The following ROBO1 variants were observed in gnomAD, a reference collection of about 807,000 sequenced individuals.
ROBO1 encodes the protein roundabout homolog 1.
Under a neutral mutation model 195.9 loss-of-function variants are expected in ROBO1, and 149 were observed. The observed-to-expected ratio is 0.76, with a 90% CI of 0.67 to 0.87. The LOEUF (loss-of-function observed/expected upper bound fraction) is 0.87, where lower values mean the gene tolerates loss of function less well. Ranked by LOEUF, ROBO1 falls within the 40% of genes least tolerant of loss-of-function variation. ROBO1 has a pLI of 0.00. For synonymous variants in ROBO1, 816 were observed against 733.2 expected, an observed-to-expected ratio of 1.11 and a Z score of -1.82; for missense variants, 1,933 against 2,068.3, an observed-to-expected ratio of 0.93 and a Z score of 1.27.
At chr3:78,772,540 A>C (rs2083401921) in intron 4 of ROBO1, among the ~76,000 whole-genome samples, 2 of 152,128 alleles carry the variant, frequency 1.3e-5, no homozygotes, top group Non-Finnish European at 2.9e-5. Context: ...TTCTCCTTTG[A>C]AATAATTCTA....
chr3:79,702,356 G>A (rs1015015882), intron 1 of ROBO1, among the ~76,000 whole-genome samples: 1 of 151,824 alleles, frequency 6.6e-6, no homozygotes, highest in African/African-American at 2.4e-5. Context: ...GACATGGTGA[G>A]GGGATTTATA....
chr3:78,914,676 A>G (rs932830183), intron 4 of ROBO1, among the ~76,000 whole-genome samples: 2 of 147,872 alleles, frequency 1.4e-5, no homozygotes, highest in South Asian at 2.1e-4. Flanking sequence ...TAAAATTTAT[A>G]TATTTTATTT....
At chr3:79,493,693 A>C (rs987022236) in intron 2 of ROBO1, among the ~76,000 whole-genome samples, 16 of 152,028 alleles carry the variant, frequency 1.1e-4, no homozygotes, top group African/African-American at 3.9e-4. Context: ...TAAGCTTTTA[A>C]ATTTTTTATT....
At chr3:78,967,206 G>C (rs931048497) in intron 3 of ROBO1, among the ~76,000 whole-genome samples, 2 of 152,116 alleles carry the variant, frequency 1.3e-5, no homozygotes, top group Non-Finnish European at 2.9e-5. Context: ...GGCCAGAGGA[G>C]CCCTAGAGCA....
intron 1 of ROBO1, among the ~76,000 whole-genome samples, chr3:79,657,143 A>G (rs1946190845): frequency 6.6e-6 from 1 of 152,092 alleles, no homozygotes; most frequent in Admixed American, 6.6e-5. Flanking sequence ...TTATAAAACT[A>G]CCTTATAAAC....
chr3:78,763,869 G>C (rs892249294), intron 4 of ROBO1, among the ~76,000 whole-genome samples: 4 of 152,126 alleles, frequency 2.6e-5, no homozygotes, highest in African/African-American at 9.7e-5. Context: ...GTACATACCG[G>C]AATTTAAAGC....
intron 10 of ROBO1, among the ~76,000 whole-genome samples, chr3:78,682,921 A>G (rs1366359019): frequency 6.6e-6 from 1 of 151,790 alleles, no homozygotes; most frequent in African/African-American, 2.4e-5. Flanking sequence ...TTATGTACAA[A>G]ATGTTTCAGC....
rs1195756096 is a variant in ROBO1 at position 78,676,460 on chromosome 3, C to T, written c.1343-6159G>A. 8.6e-5 allele frequency among the ~76,000 whole-genome samples: 13 copies of T among 152,012 alleles called. 1 individual carries two copies. The highest frequency in any genetic ancestry group is 8.5e-4 in the Admixed American group (13 of 15,276). On this transcript the variant is annotated intron_variant, in intron 10 of 30. Transcript: ENST00000464233. ...TAGACGAATGTATAACTAGAATAAC[C>T]AATACAGAGAAGTGCCTAAAGGAGC... is the stretch of plus-strand genomic sequence containing the variant.
chr3:79,551,354 T>A (rs542019568), intron 2 of ROBO1, among the ~76,000 whole-genome samples: 29 of 144,780 alleles, frequency 2.0e-4, no homozygotes, highest in Non-Finnish European at 3.3e-4. Flanking sequence ...ACCCCACAAC[T>A]ATCACAAGGA....
In ROBO1 at chr3:78,599,493, TTAAC is replaced by T. The variant is rs1253040315; in HGVS notation, c.4942-570_4942-567del. ...TTGACACGTATTTATCTACTTGAGT[TTAAC>T]TATATTTATTAAAAAATTTTCCTCA... On this transcript the variant is annotated intron_variant, in intron 30 of 30. Transcript: ENST00000464233. Among the ~76,000 whole-genome samples the T allele has an allele frequency of 5.3e-5, 8 of 152,294 alleles. No individual in the cohort carries two copies. In the East Asian group the frequency reaches 5.8e-4, roughly 11 times the overall value.
chr3:79,058,938 C>T (rs990958358), intron 3 of ROBO1, among the ~76,000 whole-genome samples: 1 of 152,104 alleles, frequency 6.6e-6, no homozygotes, highest in Admixed American at 6.6e-5. Context: ...GGCATTACAT[C>T]AATCTATTCA....
chr3:79,657,144 C>T (rs1245464471), intron 1 of ROBO1, among the ~76,000 whole-genome samples: 1 of 151,904 alleles, frequency 6.6e-6, no homozygotes, highest in African/African-American at 2.4e-5. Flanking sequence ...TATAAAACTA[C>T]CTTATAAACA....
At chr3:79,213,516 C>G (rs1226503198) in intron 2 of ROBO1, among the ~76,000 whole-genome samples, 1 of 151,964 alleles carries the variant, frequency 6.6e-6, no homozygotes, top group African/African-American at 2.4e-5. Flanking sequence ...TGTCTCTAAC[C>G]ACTTTGAAGG....
rs145278949 is a variant in ROBO1 at position 79,544,027 on chromosome 3, G to A, written c.88+45797C>T. On this transcript the variant is annotated intron_variant, in intron 2 of 30. Transcript: ENST00000464233. ...TCACACCATAAAAGTGACACCCTGG[G>A]GTACAGGCTGCATTGAAGGATTTTT... Among the ~76,000 whole-genome samples the A allele has an allele frequency of 3.4e-3, 513 of 150,884 alleles. 3 individuals carry two copies. The highest frequency in any genetic ancestry group is 4.9e-3 in the Non-Finnish European group (333 of 67,924).
intron 17 of ROBO1, among the ~76,000 whole-genome samples, chr3:78,657,550 T>C (rs570630458): frequency 2.2e-4 from 33 of 152,328 alleles, no homozygotes; most frequent in African/African-American, 7.9e-4. Flanking sequence ...AGGTAGTAGT[T>C]TCTATCAGCC....
chr3:79,097,154 A>C (rs1038735725), intron 3 of ROBO1, among the ~76,000 whole-genome samples: 6 of 151,702 alleles, frequency 4.0e-5, no homozygotes, highest in African/African-American at 1.5e-4. Context: ...CTGCTGTCAG[A>C]GTCTACACAT....
At chr3:79,414,281 T>C (rs2037908197) in intron 2 of ROBO1, among the ~76,000 whole-genome samples, 1 of 151,856 alleles carries the variant, frequency 6.6e-6, no homozygotes, top group Non-Finnish European at 1.5e-5. Flanking sequence ...TCTTCAACAG[T>C]AGGTATACAG....
At chr3:79,740,536 G>T (rs865790632) in intron 1 of ROBO1, among the ~76,000 whole-genome samples, 1 of 152,044 alleles carries the variant, frequency 6.6e-6, no homozygotes, top group African/African-American at 2.4e-5. Context: ...CATGACAAAA[G>T]GTACCTCTTC....
chr3:78,649,908 A>T (rs1706540690), intron 19 of ROBO1, among the ~76,000 whole-genome samples: 1 of 152,156 alleles, frequency 6.6e-6, no homozygotes, highest in Non-Finnish European at 1.5e-5. Context: ...TGCATGTCAC[A>T]TTTTTAGAGT....
Sources: allele counts gnomAD v4.1 joint callset (sites outside exome capture counted in the v4.1 genomes callset), GRCh38; gene constraint gnomAD v4.1.1; transcripts MANE v1.5; gene names NCBI Gene and HGNC (gene_info 2026-07-23, HGNC 2026-07-21).